CROCC: variants seen among roughly 807,000 people sequenced by gnomAD.
The protein encoded by CROCC is rootletin.
CROCC carries 180 observed loss-of-function variants against 245.2 expected under a neutral mutation model. The ratio of observed to expected loss-of-function variants is 0.73; its 90% CI spans 0.65 to 0.83. The LOEUF (loss-of-function observed/expected upper bound fraction) is 0.83. Among genes scored for constraint, CROCC ranks in the 40% least tolerant of loss-of-function variants. The pLI is 0.00. For synonymous variants in CROCC, 1,205 were observed against 1,241.6 expected (o/e 0.97, Z 0.62); for missense variants, 2,688 against 2,779.4 (o/e 0.97, Z 0.74).
intron 2 of CROCC, 56 bp from the exon 3 acceptor site, chr1:16,924,269 G>A (rs1395904470): frequency 6.3e-7 from 1 of 1,588,582 alleles, no homozygotes; most frequent in Admixed American, 1.7e-5. Context: ...CCCTGTTGGG[G>A]GGAGGATGTC....
At chr1:16,968,080 C>T in intron 30 of CROCC, 123 bp from the exon 31 acceptor site, 1 of 958,882 alleles carries the variant, frequency 1.0e-6, no homozygotes, top group East Asian at 2.6e-5. Flanking sequence ...CCAGGCCGGC[C>T]CCAGGTCACG....
chr1:16,933,146 G>A (rs1354287819), intron 8 of CROCC, among the ~76,000 whole-genome samples: 1 of 152,276 alleles, frequency 6.6e-6, no homozygotes. Context: ...AATAGCCAGT[G>A]TCTAAATTTT....
rs776134688 is a variant in CROCC at position 16,951,077 on chromosome 1, G to A, written c.2961G>A (p.Gln987=). The change falls in exon 20 of 37, where the codon CAG becomes CAA. Residue 987 remains glutamine (Q), a synonymous_variant. Transcript: ENST00000375541. ...EREAQASLRE[Q]RAAHEEDLQR... ...AGGCCCAGGCCTCTCTGCGGGAGCAGCGGGCAGCTCACGAGGAGGACTTAC... is the reference window on the plus strand; with the variant it reads ...AGGCCCAGGCCTCTCTGCGGGAGCAACGGGCAGCTCACGAGGAGGACTTAC... The A allele has an allele frequency of 6.3e-6, 10 of 1,598,524 alleles. No homozygotes were observed. In the South Asian group the frequency reaches 1.1e-4, roughly 18 times the overall value.
intron 27 of CROCC, among the ~76,000 whole-genome samples, chr1:16,963,985 T>C (rs2076377452): frequency 6.6e-6 from 1 of 151,626 alleles, no homozygotes. Context: ...TTAGTAGAGA[T>C]GGGGGTTTCA....
intron 2 of CROCC, among the ~76,000 whole-genome samples, chr1:16,923,155 T>G (rs1434360268): frequency 6.6e-6 from 1 of 152,252 alleles, no homozygotes; most frequent in Non-Finnish European, 1.5e-5. Context: ...ACCAGGGTTT[T>G]GCGGAAGTCT....
At position 16,930,444 on chromosome 1, in the gene CROCC, C is replaced by G. The variant is rs774651267; in HGVS notation, c.699C>G (p.Ala233=). 2 of 1,611,878 alleles carry G rather than the reference C, an allele frequency of 1.2e-6. No homozygotes were observed. The highest frequency in any genetic ancestry group is 8.5e-7 in the Non-Finnish European group (1 of 1,179,800). The part of the protein sequence containing the change: ...EEEQQRSASL[A]QVNAMLREQL... ...CCCCATTCAGGAGTGCCAGCCTGGC[C>G]CAGGTGAATGCCATGCTCCGAGAAC... Residue 233 remains alanine (A), a synonymous_variant, in exon 7 of 37, where the codon GCC becomes GCG. Coordinates refer to ENST00000375541, the MANE Select transcript of CROCC (RefSeq NM_014675.5).
chr1:16,918,569 A>G (rs1328893063), upstream of CROCC, among the ~76,000 whole-genome samples: 1 of 152,190 alleles, frequency 6.6e-6, no homozygotes, highest in African/African-American at 2.4e-5. Flanking sequence ...TGAGCTGGGC[A>G]TGCAGGGCTG....
At chr1:16,955,757 A>G (rs1027984952) in intron 24 of CROCC, among the ~76,000 whole-genome samples, 3 of 151,718 alleles carry the variant, frequency 2.0e-5, no homozygotes, top group Admixed American at 6.6e-5. Context: ...TTGGGTCCAG[A>G]CTCAGACCCA....
chr1:16,932,722 C>T (rs1444918355), intron 8 of CROCC, among the ~76,000 whole-genome samples: 1 of 152,240 alleles, frequency 6.6e-6, no homozygotes, highest in Non-Finnish European at 1.5e-5. Flanking sequence ...GAAAGGAGAG[C>T]CTGCCTCAGC....
At chr1:16,952,567 A>G (rs397832896) in intron 20 of CROCC, among the ~76,000 whole-genome samples, 49 of 151,494 alleles carry the variant, frequency 3.2e-4, no homozygotes, top group Non-Finnish European at 1.9e-4. Context: ...ACCTGCCCTC[A>G]GGCTCCCCAG....
intron 2 of CROCC, 59 bp from the exon 3 acceptor site, chr1:16,924,265 TG>T (rs1395447104): frequency 1.9e-6 from 3 of 1,583,678 alleles, no homozygotes; most frequent in African/African-American, 1.3e-5. Flanking sequence ...CCCTCCCTGT[TG>T]GGGGGAGGAT....
Position 16,929,832 on chromosome 1 carries a change from GC to G in CROCC, c.352-11del, listed in dbSNP as rs767766123. 2 of 1,535,902 alleles carry G rather than the reference GC, an allele frequency of 1.3e-6. No individual in the cohort carries two copies. Among genetic ancestry groups the G allele is most frequent in the Admixed American group, 4.0e-5 (2 of 50,130 alleles). On this transcript the variant is annotated splice_polypyrimidine_tract_variant and intron_variant, in intron 3 of 36. Transcript: ENST00000375541. The stretch of plus-strand genomic sequence containing the variant: ...AGGAGGCCCAGGACTCTCACCCAGG[GC>G]CCTTCCCTGCAGCTGGAGCAGGCTC...
chr1:16,947,810 ATTT>A (rs1283039601), intron 17 of CROCC, among the ~76,000 whole-genome samples: 1 of 151,954 alleles, frequency 6.6e-6, no homozygotes, highest in African/African-American at 2.4e-5. Flanking sequence ...GAGGGCCCTC[ATTT>A]TTTTTGTTTC....
intron 13 of CROCC, 52 bp downstream of exon 13, chr1:16,940,145 G>C (rs1448981726): frequency 1.9e-6 from 3 of 1,542,630 alleles, no homozygotes; most frequent in African/African-American, 2.7e-5. Context: ...CACCGTCTGG[G>C]CATAACACCA....
At chr1:16,946,520 G>A (rs2076050646) in intron 16 of CROCC, 115 bp downstream of exon 16, 22 of 1,423,884 alleles carry the variant, frequency 1.5e-5, no homozygotes, top group Non-Finnish European at 2.0e-5. Flanking sequence ...TTCTGTCCCT[G>A]GTTCTCTGTC....
At chr1:16,932,756 C>T (rs1255115865) in intron 8 of CROCC, among the ~76,000 whole-genome samples, 2 of 152,272 alleles carry the variant, frequency 1.3e-5, no homozygotes, top group Non-Finnish European at 1.5e-5. Context: ...CCTGCCTGAT[C>T]CGTGTGAGCA....
At chr1:16,970,069 C>A in intron 33 of CROCC, 135 bp downstream of exon 33, 2 of 1,271,240 alleles carry the variant, frequency 1.6e-6, no homozygotes, top group Non-Finnish European at 2.1e-6. Context: ...TCATTCAGAG[C>A]ATAGTCCTGT....
In CROCC at chr1:16,931,298, A is replaced by G. The variant is rs756496233; in HGVS notation, c.857A>G (p.Asn286Ser). 37 of 1,610,650 alleles carry G rather than the reference A, an allele frequency of 2.3e-5. No individual in the cohort carries two copies. The highest frequency in any genetic ancestry group is 8.0e-5 in the African/African-American group (6 of 74,902). The change falls in exon 8 of 37, where the codon AAC becomes AGC. Residue 286 changes from asparagine (N) to serine (S), a missense_variant. Transcript: ENST00000375541. ...AAWRREEESFNAYFSNEHSRL... is the reference protein window; with the variant it reads ...AAWRREEESFSAYFSNEHSRL... ...GGCATGTCTTCCCTCCAGTCCTTCA[A>G]CGCCTACTTCAGCAACGAGCACAGT...
At chr1:16,968,504 C>G in intron 31 of CROCC, 86 bp downstream of exon 31, 4 of 1,318,098 alleles carry the variant, frequency 3.0e-6, no homozygotes, top group Non-Finnish European at 4.0e-6. Context: ...CCCAACAACC[C>G]TGTGAGGCAA....
Sources: allele counts gnomAD v4.1 joint callset (sites outside exome capture counted in the v4.1 genomes callset), GRCh38; gene constraint gnomAD v4.1.1; transcripts MANE v1.5; gene names NCBI Gene and HGNC (gene_info 2026-07-23, HGNC 2026-07-21).